Variants in CHD2 observed in about 807,000 individuals in gnomAD.
CHD2 encodes the protein ATP-dependent chromatin remodeler CHD2.
Under a neutral mutation model 243.9 loss-of-function variants are expected in CHD2, and 28 were observed. The observed-to-expected ratio is 0.11, with a 90% CI of 0.09 to 0.16. The LOEUF (loss-of-function observed/expected upper bound fraction) is 0.16, where lower values mean the gene tolerates loss of function less well. Ranked by LOEUF, CHD2 falls within the 10% of genes least tolerant of loss-of-function variation. The pLI is 1.00. For missense variants in CHD2, 1,386 were observed against 2,209.8 expected (o/e 0.63, Z 7.47); for synonymous variants, 775 against 779.0 (o/e 0.99, Z 0.09).
Position 93,027,604 on chromosome 15 carries a change from T to G in CHD2, c.*2899T>G, listed in dbSNP as rs1273702390. ...TCCTCACGGTGCAAACACAGTTGAT[T>G]TAGGAAGTCACACAATGACACTGAA... is the stretch of plus-strand genomic sequence containing the variant. On this transcript the variant is annotated 3_prime_UTR_variant, in exon 39 of 39. Transcript: ENST00000394196. 1 of 152,640 alleles carries G rather than the reference T, an allele frequency of 6.6e-6. No homozygotes were observed. The highest frequency in any genetic ancestry group is 2.4e-5 in the African/African-American group (1 of 41,450). 9.5% of individuals were successfully genotyped at this position (152,640 alleles called of 1,614,324 possible).
chr15:92,977,798 A>G (rs2141842640), intron 20 of CHD2, among the ~76,000 whole-genome samples: 1 of 152,376 alleles, frequency 6.6e-6, no homozygotes, highest in African/African-American at 2.4e-5. Flanking sequence ...ACAAACATAA[A>G]TATTTATATA....
chr15:93,006,358 C>CTCA (rs1482806035), intron 34 of CHD2, among the ~76,000 whole-genome samples: 2 of 152,130 alleles, frequency 1.3e-5, no homozygotes, highest in Non-Finnish European at 2.9e-5. Context: ...AACTCCTGAC[C>CTCA]TCATGATCTG....
chr15:92,983,570 C>T (rs2141849705), intron 24 of CHD2, among the ~76,000 whole-genome samples: 1 of 152,300 alleles, frequency 6.6e-6, no homozygotes, highest in Non-Finnish European at 1.5e-5. Context: ...AGGCTGGGGG[C>T]TGCCTGCCAC....
At chr15:93,016,429 T>C (rs2054461025) in intron 37 of CHD2, among the ~76,000 whole-genome samples, 1 of 152,180 alleles carries the variant, frequency 6.6e-6, no homozygotes, top group Admixed American at 6.5e-5. Flanking sequence ...GAGAAATCTG[T>C]TGTACAGCAT....
intron 33 of CHD2, among the ~76,000 whole-genome samples, chr15:93,003,631 A>G (rs1230128100): frequency 8.4e-6 from 1 of 119,474 alleles, no homozygotes; most frequent in Non-Finnish European, 1.7e-5. Context: ...TATCTTTTGT[A>G]TTTCATGAAC....
intron 24 of CHD2, among the ~76,000 whole-genome samples, chr15:92,981,920 C>T (rs2053985470): frequency 6.6e-6 from 1 of 152,150 alleles, no homozygotes; most frequent in South Asian, 2.1e-4. Context: ...CAGAAAATTA[C>T]ATGAAATGAG....
rs372081585 is a variant in CHD2 at position 92,949,100 on chromosome 15, A to G, written c.1502+24A>G. 218 of 1,603,824 alleles carry G rather than the reference A, an allele frequency of 1.4e-4. 1 individual carries two copies. Among genetic ancestry groups the G allele is most frequent in the African/African-American group, 3.6e-4 (27 of 74,128 alleles). ...AAGTAGGTAGAAAAATATGAGTGCA[A>G]TTTTCCTTACTGTTTCTGGCTTCTT... On this transcript the variant is annotated intron_variant, in intron 13 of 38. Transcript: ENST00000394196.
In CHD2 at chr15:92,935,899, T is replaced by C. The variant is rs140671445; in HGVS notation, c.444-1619T>C. Among the ~76,000 whole-genome samples the C allele has an allele frequency of 1.9e-3, 284 of 152,308 alleles. 3 individuals are homozygous for C. Among genetic ancestry groups the C allele is most frequent in the African/African-American group, 6.6e-3 (274 of 41,576 alleles). On this transcript the variant is annotated intron_variant, in intron 5 of 38. Transcript: ENST00000394196. ...CTTACCAGAAGCACCCCTACCCGTC[T>C]GACTGATAGACTAATTGCGCATTCT...
intron 28 of CHD2, among the ~76,000 whole-genome samples, chr15:92,995,279 C>A (rs970138450): frequency 2.0e-5 from 3 of 152,102 alleles, no homozygotes; most frequent in Non-Finnish European, 4.4e-5. Flanking sequence ...TACTTAGGGA[C>A]TGCTTTTCTC....
At chr15:93,010,475 A>G (rs1051288838) in intron 35 of CHD2, among the ~76,000 whole-genome samples, 1 of 150,536 alleles carries the variant, frequency 6.6e-6, no homozygotes, top group Non-Finnish European at 1.5e-5. Context: ...GCCCAGGCTG[A>G]AGTGCAGTGG....
chr15:93,002,860 C>T (rs2054274582), intron 33 of CHD2, among the ~76,000 whole-genome samples: 1 of 152,178 alleles, frequency 6.6e-6, no homozygotes, highest in Non-Finnish European at 1.5e-5. Context: ...ATTGCCAAAA[C>T]ACAAACAACT....
chr15:92,917,864 C>T (rs888536963), intron 2 of CHD2, among the ~76,000 whole-genome samples: 2 of 152,168 alleles, frequency 1.3e-5, no homozygotes, highest in African/African-American at 4.8e-5. Context: ...ATGCCTGACA[C>T]AAAAGTGCTC....
chr15:92,966,126 T>G (rs2053760131), intron 16 of CHD2, among the ~76,000 whole-genome samples: 1 of 150,502 alleles, frequency 6.6e-6, no homozygotes, highest in African/African-American at 2.4e-5. Flanking sequence ...TGCAATGGCA[T>G]GATCTTGGCT....
At position 92,942,828 on chromosome 15, in the gene CHD2, T is replaced by G. The variant is rs776063490; in HGVS notation, c.827-15T>G. ...GTAATATACTCTCTTTCAAGTGTACTTAATCCTTTTGCAGCCACTGGAGCA... is the reference window on the plus strand; with the variant it reads ...GTAATATACTCTCTTTCAAGTGTACGTAATCCTTTTGCAGCCACTGGAGCA... On this transcript the variant is annotated splice_polypyrimidine_tract_variant and intron_variant, in intron 8 of 38. Coordinates refer to ENST00000394196, the MANE Select transcript of CHD2 (RefSeq NM_001271.4). The G allele has an allele frequency of 2.5e-6, 4 of 1,588,984 alleles. No homozygotes were observed. The African/African-American group carries it at 5.4e-5, about 22-fold the overall frequency.
At chr15:93,023,607 C>T (rs1476192106) in intron 38 of CHD2, among the ~76,000 whole-genome samples, 2 of 151,962 alleles carry the variant, frequency 1.3e-5, no homozygotes, top group Non-Finnish European at 2.9e-5. Flanking sequence ...ATTTTACATT[C>T]CTACCAGCAA....
At chr15:92,945,765 A>T in intron 10 of CHD2, 56 bp from the exon 11 acceptor site, 1 of 1,182,482 alleles carries the variant, frequency 8.5e-7, no homozygotes, top group Non-Finnish European at 1.2e-6. Context: ...AGAACCCAAA[A>T]TCTTTCATTC....
intron 22 of CHD2, among the ~76,000 whole-genome samples, chr15:92,980,259 C>T (rs941720152): frequency 7.2e-5 from 10 of 139,342 alleles, no homozygotes; most frequent in African/African-American, 2.2e-4. Flanking sequence ...CAGGGTTTTT[C>T]CATGTTGGCC....
At chr15:92,988,461 T>C (rs371162133) in intron 26 of CHD2, among the ~76,000 whole-genome samples, 3 of 152,330 alleles carry the variant, frequency 2.0e-5, no homozygotes, top group South Asian at 4.1e-4. Flanking sequence ...TATATTTACT[T>C]ACTCTATTAT....
intron 12 of CHD2, chr15:92,947,138 C>T (rs915925200): frequency 4.6e-5 from 7 of 152,150 alleles, no homozygotes; most frequent in African/African-American, 1.4e-4. Flanking sequence ...AGTTGACATT[C>T]ATGTTAATGG....
Sources: gnomAD v4.1 joint callset for allele counts (sites outside exome capture counted in the v4.1 genomes callset) on GRCh38, gnomAD v4.1.1 for gene constraint, MANE v1.5 for transcripts, NCBI Gene and HGNC (gene_info 2026-07-23, HGNC 2026-07-21) for gene names.